The following CAPZB variants were observed in gnomAD, a reference collection of about 807,000 sequenced individuals.
CAPZB encodes the protein capping actin protein of muscle Z-line subunit beta.
In CAPZB, 2 loss-of-function variants were observed where a neutral mutation model predicts 38.1. The observed-to-expected ratio is 0.05, with a 90% confidence interval of 0.02 to 0.17. The LOEUF (loss-of-function observed/expected upper bound fraction) is 0.17, where lower values mean the gene tolerates loss of function less well. Ranked by LOEUF, CAPZB falls within the 10% of genes least tolerant of loss-of-function variation. CAPZB has a pLI of 1.00. For synonymous variants in CAPZB, 107 were observed against 127.4 expected, an observed-to-expected ratio of 0.84 and a Z score of 1.08; for missense variants, 161 against 334.2, an observed-to-expected ratio of 0.48 and a Z score of 4.04.
intron 1 of CAPZB, among the ~76,000 whole-genome samples, chr1:19,462,047 G>A (rs2100742728): frequency 6.6e-6 from 1 of 152,286 alleles, no homozygotes; most frequent in South Asian, 2.1e-4. Flanking sequence ...TCAGGAGGCT[G>A]AGGAAGGAGG....
At chr1:19,429,496 C>T (rs779830816) in intron 1 of CAPZB, among the ~76,000 whole-genome samples, 1 of 152,160 alleles carries the variant, frequency 6.6e-6, no homozygotes, top group Admixed American at 6.5e-5. Flanking sequence ...GTCACCACCT[C>T]ATCCCTTGGA....
intron 1 of CAPZB, among the ~76,000 whole-genome samples, chr1:19,431,144 C>G (rs1449509418): frequency 1.8e-4 from 28 of 152,184 alleles, no homozygotes; most frequent in Admixed American, 1.8e-3. Flanking sequence ...AAACAAATCT[C>G]TTTAGTACAC....
chr1:19,395,062 T>C (rs2094259163), intron 2 of CAPZB, among the ~76,000 whole-genome samples: 1 of 152,044 alleles, frequency 6.6e-6, no homozygotes, highest in African/African-American at 2.4e-5. Flanking sequence ...ACATTTAGGG[T>C]CAGCCAGCCT....
chr1:19,388,107 C>G lies in CAPZB; in HGVS notation c.94-2481G>C, dbSNP rs556701863. On this transcript the variant is annotated intron_variant, in intron 2 of 8. Transcript: ENST00000264202. ...GGCACACTGCTTGCAGCTAAGTCCC[C>G]TCAACGTAGGAAAGCTCACAAGAAA... Among the ~76,000 whole-genome samples the G allele has an allele frequency of 7.2e-5, 11 of 152,300 alleles. No homozygotes were observed. In the South Asian group the frequency reaches 2.3e-3, roughly 32 times the overall value.
At chr1:19,395,901 C>T (rs1225415336) in intron 2 of CAPZB, among the ~76,000 whole-genome samples, 1 of 152,216 alleles carries the variant, frequency 6.6e-6, no homozygotes, top group East Asian at 1.9e-4. Context: ...GAGAAGCTGC[C>T]GCCTACAGCC....
intron 6 of CAPZB, among the ~76,000 whole-genome samples, chr1:19,353,379 T>G (rs214338): frequency 0.53 from 80,333 of 151,750 alleles, 22,499 homozygotes; most frequent in African/African-American, 0.71. Flanking sequence ...GGAACTCGAG[T>G]GAGGGGCTCT....
intron 1 of CAPZB, chr1:19,484,098 C>T: frequency 7.3e-7 from 1 of 1,375,804 alleles, no homozygotes; most frequent in Non-Finnish European, 1.0e-6. Context: ...TGTGAAACCC[C>T]AGGTTCCTCA....
intron 4 of CAPZB, among the ~76,000 whole-genome samples, chr1:19,369,214 GGGAACCCCA>G: frequency 6.6e-6 from 1 of 152,358 alleles, no homozygotes; most frequent in South Asian, 2.1e-4. Flanking sequence ...CCAGATGAAA[GGGAACCCCA>G]GGACAGGGGG....
chr1:19,426,984 G>C (rs1046021129), intron 1 of CAPZB, among the ~76,000 whole-genome samples: 3 of 152,286 alleles, frequency 2.0e-5, no homozygotes, highest in Non-Finnish European at 4.4e-5. Flanking sequence ...TGGCCAGAGA[G>C]GAGGAGAGCC....
intron 1 of CAPZB, among the ~76,000 whole-genome samples, chr1:19,442,481 T>TA (rs1431990491): frequency 6.6e-6 from 1 of 152,198 alleles, no homozygotes; most frequent in Admixed American, 6.5e-5. Context: ...TCTCTGAATT[T>TA]AAATCAGGCA....
At chr1:19,420,559 G>A (rs2094397415) in intron 1 of CAPZB, among the ~76,000 whole-genome samples, 1 of 149,626 alleles carries the variant, frequency 6.7e-6, no homozygotes, top group African/African-American at 2.5e-5. Context: ...TGGGACCACA[G>A]GTGCATGCCA....
chr1:19,451,402 G>A (rs942630526), intron 1 of CAPZB, among the ~76,000 whole-genome samples: 5 of 152,204 alleles, frequency 3.3e-5, no homozygotes, highest in Non-Finnish European at 5.9e-5. Context: ...GAGTGGAAAT[G>A]GACAATCCCG....
intron 1 of CAPZB, among the ~76,000 whole-genome samples, chr1:19,474,440 T>C (rs913707794): frequency 2.6e-5 from 4 of 152,176 alleles, no homozygotes; most frequent in African/African-American, 9.7e-5. Flanking sequence ...CAGTGGGGTG[T>C]GGATCTGGGA....
chr1:19,361,212 G>A (rs1037327335), intron 4 of CAPZB, among the ~76,000 whole-genome samples: 1 of 152,246 alleles, frequency 6.6e-6, no homozygotes, highest in East Asian at 1.9e-4. Flanking sequence ...CGGCGACAGA[G>A]TTAGAGGCGG....
chr1:19,469,741 T>TACAC (rs60330360), intron 1 of CAPZB, among the ~76,000 whole-genome samples: 19,140 of 136,492 alleles, frequency 0.14, 1,434 homozygotes, highest in Middle Eastern at 0.18. Context: ...AGGAAAAGAA[T>TACAC]ACACACACAC....
chr1:19,420,603 G>A (rs1030583860), intron 1 of CAPZB, among the ~76,000 whole-genome samples: 3 of 151,430 alleles, frequency 2.0e-5, no homozygotes, highest in African/African-American at 7.3e-5. Context: ...TTTTTTTGGG[G>A]GGGAGGGGGG....
At chr1:19,372,491 A>G (rs2094124377) in intron 4 of CAPZB, among the ~76,000 whole-genome samples, 1 of 152,228 alleles carries the variant, frequency 6.6e-6, no homozygotes, top group African/African-American at 2.4e-5. Context: ...TATCTTCTCC[A>G]GGAACCTGAA....
chr1:19,409,583 C>T (rs964490326), intron 2 of CAPZB, among the ~76,000 whole-genome samples: 17 of 152,148 alleles, frequency 1.1e-4, no homozygotes, highest in Non-Finnish European at 2.4e-4. Flanking sequence ...TTAAGAGCCC[C>T]GGAGTCAGGT....
intron 1 of CAPZB, among the ~76,000 whole-genome samples, chr1:19,462,331 G>GC (rs1355263981): frequency 6.6e-6 from 1 of 151,738 alleles, no homozygotes; most frequent in Non-Finnish European, 1.5e-5. Context: ...GGTGGCGGGC[G>GC]CCTGTAGTCC....
Sources: gnomAD v4.1 joint callset for allele counts (sites outside exome capture counted in the v4.1 genomes callset) on GRCh38, gnomAD v4.1.1 for gene constraint, MANE v1.5 for transcripts, NCBI Gene and HGNC (gene_info 2026-07-23, HGNC 2026-07-21) for gene names.